Variants in GRID2 observed in about 807,000 individuals in gnomAD.
GRID2 encodes the protein glutamate receptor ionotropic, delta-2.
Under a neutral mutation model 114.8 loss-of-function variants are expected in GRID2, and 33 were observed. The ratio of observed to expected loss-of-function variants is 0.29; its 90% CI spans 0.22 to 0.38. GRID2 has a LOEUF of 0.38. Among genes scored for constraint, GRID2 ranks in the 10% least tolerant of loss-of-function variants. The pLI is 1.00. For missense variants in GRID2, 1,184 were observed against 1,257.7 expected (o/e 0.94, Z 0.89); for synonymous variants, 505 against 449.9 (o/e 1.12, Z -1.55).
chr4:93,239,752 G>C (rs1747263682), intron 8 of GRID2, among the ~76,000 whole-genome samples: 2 of 151,504 alleles, frequency 1.3e-5, no homozygotes, highest in South Asian at 2.1e-4. Flanking sequence ...GCTTCTCTCT[G>C]ATTACCGTCA....
intron 1 of GRID2, among the ~76,000 whole-genome samples, chr4:92,366,762 C>T (rs1437719216): frequency 2.0e-5 from 3 of 151,936 alleles, no homozygotes; most frequent in Non-Finnish European, 2.9e-5. Flanking sequence ...GGACATTGGC[C>T]TTGGCAATGA....
intron 13 of GRID2, among the ~76,000 whole-genome samples, chr4:93,567,047 C>T (rs1418126795): frequency 1.3e-5 from 2 of 152,142 alleles, no homozygotes; most frequent in East Asian, 3.9e-4. Context: ...CTTTTGCCCC[C>T]TTCTCCACCT....
At chr4:92,947,106 CAG>C (rs1751695827) in intron 2 of GRID2, among the ~76,000 whole-genome samples, 3 of 152,014 alleles carry the variant, frequency 2.0e-5, no homozygotes, top group Admixed American at 2.0e-4. Flanking sequence ...GAGGATATAA[CAG>C]AAAACTGGGT....
At chr4:93,441,049 TGGTG>T (rs1449148264) in intron 10 of GRID2, among the ~76,000 whole-genome samples, 1 of 152,074 alleles carries the variant, frequency 6.6e-6, no homozygotes, top group African/African-American at 2.4e-5. Context: ...TAAAAAGATT[TGGTG>T]GGTTACAGCT....
chr4:93,518,977 G>T (rs377408274), intron 13 of GRID2, among the ~76,000 whole-genome samples: 5 of 152,236 alleles, frequency 3.3e-5, no homozygotes, highest in Admixed American at 2.6e-4. Context: ...GTAGGGTCTA[G>T]CAATGCAAAG....
At chr4:93,485,819 AT>A (rs1215818754) in intron 11 of GRID2, among the ~76,000 whole-genome samples, 2 of 151,656 alleles carry the variant, frequency 1.3e-5, no homozygotes, top group Non-Finnish European at 3.0e-5. Flanking sequence ...TATCTTGGCA[AT>A]TTTTGTACTT....
chr4:93,235,210 A>G (rs896765903), intron 7 of GRID2, among the ~76,000 whole-genome samples: 5 of 152,170 alleles, frequency 3.3e-5, no homozygotes, highest in Admixed American at 2.0e-4. Flanking sequence ...GTATTTCTAT[A>G]TCAAGTGGAT....
chr4:92,634,643 AAGC>A (rs1354191086), intron 2 of GRID2, among the ~76,000 whole-genome samples: 1 of 152,126 alleles, frequency 6.6e-6, no homozygotes, highest in African/African-American at 2.4e-5. Context: ...CAGAAAATGA[AAGC>A]AGTCAAAGCA....
intron 8 of GRID2, among the ~76,000 whole-genome samples, chr4:93,271,484 A>G (rs1475311578): frequency 6.6e-6 from 1 of 152,170 alleles, no homozygotes; most frequent in Non-Finnish European, 1.5e-5. Flanking sequence ...CCTGATAATG[A>G]GAGAAAAAGT....
At chr4:92,579,665 G>A (rs1728080840) in intron 1 of GRID2, among the ~76,000 whole-genome samples, 1 of 151,820 alleles carries the variant, frequency 6.6e-6, no homozygotes, top group Admixed American at 6.6e-5. Context: ...CTCCTCAACT[G>A]TAAAATGAGG....
At chr4:93,015,079 G>C (rs530088423) in intron 2 of GRID2, among the ~76,000 whole-genome samples, 70 of 152,284 alleles carry the variant, frequency 4.6e-4, no homozygotes, top group African/African-American at 1.7e-3. Context: ...GTTCTTAACA[G>C]AGAGGCTTCA....
intron 2 of GRID2, among the ~76,000 whole-genome samples, chr4:93,079,966 T>G (rs79239303): frequency 0.026 from 3,920 of 152,250 alleles, 174 homozygotes; most frequent in African/African-American, 0.089. Context: ...ATAATTATGA[T>G]TAACTTGGAC....
chr4:92,856,882 G>C (rs145868581), intron 2 of GRID2, among the ~76,000 whole-genome samples: 235 of 152,240 alleles, frequency 1.5e-3, no homozygotes, highest in African/African-American at 5.4e-3. Flanking sequence ...CAACCCTGCA[G>C]TGAGCAAGTC....
chr4:92,947,047 A>G (rs1751691655), intron 2 of GRID2, among the ~76,000 whole-genome samples: 1 of 152,060 alleles, frequency 6.6e-6, no homozygotes, highest in African/African-American at 2.4e-5. Context: ...TATAATTATG[A>G]CATGCTAATA....
At chr4:92,811,114 A>T (rs1740646873) in intron 2 of GRID2, among the ~76,000 whole-genome samples, 1 of 152,158 alleles carries the variant, frequency 6.6e-6, no homozygotes, top group Non-Finnish European at 1.5e-5. Flanking sequence ...ACCTGGTACC[A>T]TATCTAAGAT....
intron 1 of GRID2, among the ~76,000 whole-genome samples, chr4:92,445,863 T>C (rs1056346819): frequency 6.6e-6 from 1 of 152,230 alleles, no homozygotes; most frequent in Admixed American, 6.5e-5. Context: ...TCATTTCCCA[T>C]GCTTTAATGT....
At chr4:92,609,629 A>G (rs1329648468) in intron 2 of GRID2, among the ~76,000 whole-genome samples, 1 of 150,246 alleles carries the variant, frequency 6.7e-6, no homozygotes, top group Admixed American at 6.7e-5. Flanking sequence ...TATATATTAT[A>G]TATATATAAT....
At chr4:92,365,576 A>T (rs1728823164) in intron 1 of GRID2, among the ~76,000 whole-genome samples, 2 of 152,084 alleles carry the variant, frequency 1.3e-5, no homozygotes, top group African/African-American at 4.8e-5. Flanking sequence ...TAAAATTTGA[A>T]ATCTATTCCA....
At chr4:93,429,010 G>A (rs1226462692) in intron 10 of GRID2, among the ~76,000 whole-genome samples, 2 of 152,200 alleles carry the variant, frequency 1.3e-5, no homozygotes, top group African/African-American at 4.8e-5. Flanking sequence ...TCAGTTGATT[G>A]TATCTGCCAG....
Sources: allele counts gnomAD v4.1 joint callset (sites outside exome capture counted in the v4.1 genomes callset), GRCh38; gene constraint gnomAD v4.1.1; transcripts MANE v1.5; gene names NCBI Gene and HGNC (gene_info 2026-07-23, HGNC 2026-07-21).